Variants in ATXN1 observed in about 807,000 individuals in gnomAD.
ATXN1 encodes the protein ataxin-1.
A neutral mutation model predicts 56.4 loss-of-function variants in ATXN1; 8 were observed. The observed-to-expected ratio is 0.14, with a 90% CI of 0.08 to 0.26. ATXN1 has a LOEUF of 0.26. Among genes scored for constraint, ATXN1 ranks in the 10% least tolerant of loss-of-function variants. The pLI is 1.00. For missense variants in ATXN1, 987 were observed against 1,106.5 expected, an observed-to-expected ratio of 0.89 and a Z score of 1.53; for synonymous variants, 514 against 494.6, an observed-to-expected ratio of 1.04 and a Z score of -0.52.
chr6:16,595,399 A>T (rs1276826640), intron 3 of ATXN1, among the ~76,000 whole-genome samples: 2 of 152,226 alleles, frequency 1.3e-5, no homozygotes, highest in Admixed American at 6.5e-5. Flanking sequence ...ATACCTATAG[A>T]TCTGTCTGGG....
chr6:16,386,403 C>T (rs1172136701), intron 6 of ATXN1, among the ~76,000 whole-genome samples: 1 of 152,216 alleles, frequency 6.6e-6, no homozygotes, highest in Non-Finnish European at 1.5e-5. Context: ...AACATTTTAA[C>T]ATATTTGCAA....
chr6:16,753,332 TTGA>T lies in ATXN1; in HGVS notation c.-717_-715del. The T allele has an allele frequency of 4.4e-6, 2 of 456,970 alleles. 1 individual carries two copies. The highest frequency in any genetic ancestry group is 3.1e-5 in the South Asian group (2 of 64,562). 28.3% of individuals were successfully genotyped at this position (456,970 alleles called of 1,614,324 possible). A position where few individuals can be genotyped will look rare whatever the true frequency, so the allele number is the denominator to read the frequency against. On this transcript the variant is annotated 5_prime_UTR_variant, in exon 2 of 8. Coordinates refer to ENST00000436367, the MANE Select transcript of ATXN1 (RefSeq NM_001128164.2). Reference sequence around the variant, plus strand: ...AGCTTGAATGGACCACCCTGGTGACTTGATGCACGATGCTCCTGCAATGGTCGA... The same window carrying T: ...AGCTTGAATGGACCACCCTGGTGACTTGCACGATGCTCCTGCAATGGTCGA...
intron 4 of ATXN1, among the ~76,000 whole-genome samples, chr6:16,546,662 ATACT>A (rs1276325929): frequency 6.6e-6 from 1 of 152,190 alleles, no homozygotes; most frequent in Non-Finnish European, 1.5e-5. Context: ...TACTTCTGAC[ATACT>A]TATAAAAAGG....
At chr6:16,706,450 C>T (rs1023972636) in intron 2 of ATXN1, among the ~76,000 whole-genome samples, 4 of 152,114 alleles carry the variant, frequency 2.6e-5, no homozygotes, top group African/African-American at 9.7e-5. Context: ...GAGGGCCGGG[C>T]ACAGTGGCTT....
At chr6:16,648,276 A>G (rs1416404454) in intron 3 of ATXN1, among the ~76,000 whole-genome samples, 1 of 152,138 alleles carries the variant, frequency 6.6e-6, no homozygotes, top group Non-Finnish European at 1.5e-5. Context: ...ATATCACCAC[A>G]TGGACCCACA....
chr6:16,364,386 G>A (rs1190946399), intron 6 of ATXN1, among the ~76,000 whole-genome samples: 3 of 151,920 alleles, frequency 2.0e-5, no homozygotes, highest in Non-Finnish European at 2.9e-5. Context: ...CTCACTGCAA[G>A]CTCCGCCTCC....
chr6:16,443,002 G>A (rs1487450866), intron 6 of ATXN1, among the ~76,000 whole-genome samples: 1 of 151,228 alleles, frequency 6.6e-6, no homozygotes, highest in Non-Finnish European at 1.5e-5. Flanking sequence ...ACAGAGCAAG[G>A]CTTGGTCTGG....
At chr6:16,501,381 T>C (rs1219522861) in intron 5 of ATXN1, among the ~76,000 whole-genome samples, 1 of 152,198 alleles carries the variant, frequency 6.6e-6, no homozygotes, top group Non-Finnish European at 1.5e-5. Context: ...TAGGTATACA[T>C]GTGCCATGGT....
chr6:16,530,631 C>T (rs776207078), intron 4 of ATXN1, among the ~76,000 whole-genome samples: 9 of 152,016 alleles, frequency 5.9e-5, no homozygotes, highest in Non-Finnish European at 1.2e-4. Flanking sequence ...CAAAGAAGAT[C>T]GGGAAAAATA....
At chr6:16,620,982 G>C (rs938834784) in intron 3 of ATXN1, among the ~76,000 whole-genome samples, 2 of 152,224 alleles carry the variant, frequency 1.3e-5, no homozygotes, top group South Asian at 4.2e-4. Context: ...CTCCAAAGTG[G>C]GCTTCTACAT....
intron 4 of ATXN1, among the ~76,000 whole-genome samples, chr6:16,572,442 G>A (rs986069591): frequency 2.0e-5 from 3 of 152,132 alleles, no homozygotes; most frequent in Admixed American, 6.5e-5. Context: ...ATACACCTAC[G>A]GTTCTGCCCC....
intron 6 of ATXN1, among the ~76,000 whole-genome samples, chr6:16,461,851 C>T (rs1357896813): frequency 1.3e-5 from 2 of 152,156 alleles, no homozygotes; most frequent in Non-Finnish European, 1.5e-5. Flanking sequence ...TCAAGAGGCA[C>T]TTAAGGAAAC....
intron 4 of ATXN1, 142 bp downstream of exon 4, chr6:16,585,638 A>C (rs1055771767): frequency 6.6e-6 from 1 of 152,220 alleles, no homozygotes; most frequent in African/African-American, 2.4e-5. Flanking sequence ...CAGTAGGAAA[A>C]AATGGAGTCT....
At chr6:16,432,158 C>T (rs887953719) in intron 6 of ATXN1, among the ~76,000 whole-genome samples, 1 of 152,162 alleles carries the variant, frequency 6.6e-6, no homozygotes, top group Non-Finnish European at 1.5e-5. Flanking sequence ...CTTCAAAAAT[C>T]GATTTCCTCT....
chr6:16,350,597 TG>T (rs1761545083), intron 6 of ATXN1, among the ~76,000 whole-genome samples: 1 of 150,132 alleles, frequency 6.7e-6, no homozygotes, highest in Non-Finnish European at 1.5e-5. Context: ...GGGTGAAGCT[TG>T]AAGTCTCTCT....
chr6:16,661,338 A>G (rs1018856190), intron 2 of ATXN1, among the ~76,000 whole-genome samples: 4 of 152,114 alleles, frequency 2.6e-5, no homozygotes, highest in Non-Finnish European at 5.9e-5. Context: ...TAATTTTATA[A>G]GCATGAAAGG....
At chr6:16,497,169 G>T (rs1395827680) in intron 5 of ATXN1, among the ~76,000 whole-genome samples, 1 of 152,114 alleles carries the variant, frequency 6.6e-6, no homozygotes, top group Non-Finnish European at 1.5e-5. Flanking sequence ...ATCTAGCCAG[G>T]CAGAAAGTCT....
intron 6 of ATXN1, among the ~76,000 whole-genome samples, chr6:16,413,909 T>C (rs1000297604): frequency 6.6e-6 from 1 of 152,134 alleles, no homozygotes; most frequent in Non-Finnish European, 1.5e-5. Flanking sequence ...TACTTTACAT[T>C]CCTATAACAT....
rs754887817 is a variant in ATXN1 at position 16,326,640 on chromosome 6, C to T, written c.1671G>A (p.Val557=). ...CCGCCGCCGGGGAGGCCACGGACTG[C>T]ACCACAGGCAGGTGGATCTGGGCCT... ...MVQAQIHLPV[V]QSVASPAAAP... The change falls in exon 7 of 8, where the codon GTG becomes GTA. Residue 557 remains valine, a synonymous_variant. Transcript: ENST00000436367. The surrounding 1 kb of genome is among the most constrained non-coding windows in gnomAD (Gnocchi z 6.6). The T allele has an allele frequency of 1.9e-5, 30 of 1,613,814 alleles. No homozygotes were observed. Among genetic ancestry groups the T allele is most frequent in the Non-Finnish European group, 2.5e-5 (29 of 1,180,038 alleles).
Sources: gnomAD v4.1 joint callset for allele counts (sites outside exome capture counted in the v4.1 genomes callset) on GRCh38, gnomAD v4.1.1 for gene constraint, Gnocchi (gnomAD v3.1) non-coding constraint, MANE v1.5 for transcripts, NCBI Gene and HGNC (gene_info 2026-07-23, HGNC 2026-07-21) for gene names.